USP26: variants seen among roughly 807,000 people sequenced by gnomAD.
USP26 encodes ubiquitin carboxyl-terminal hydrolase 26.
For missense variants in USP26, 649 were observed against 642.3 expected, an observed-to-expected ratio of 1.01 and a Z score of -0.11; for synonymous variants, 236 against 240.6, an observed-to-expected ratio of 0.98 and a Z score of 0.18.
chrX:133,037,150 T>G (rs912349416), intron 5 of USP26, among the ~76,000 whole-genome samples: 1 of 112,406 alleles, frequency 8.9e-6, no homozygotes, highest in Admixed American at 9.4e-5. Context: ...GGATAAATTC[T>G]TTTGCTGAGC....
In USP26 at chrX:133,027,793, G is replaced by T; in HGVS notation, c.428C>A (p.Ser143Tyr). ...HKVDEKSSSK[S>Y]FEIAKGSGTG... The stretch of plus-strand genomic sequence containing the variant: ...CCCACTTCCTTTTGCTATCTCAAAA[G>T]ATTTGCTACTTGATTTCTCATCAAC... The change falls in exon 6 of 6, where the codon TCT (serine) becomes TAT (tyrosine). Residue 143 changes from serine (S) to tyrosine (Y), a missense_variant. Transcript: ENST00000511190. 8.3e-7 allele frequency: 1 copy of T among 1,209,861 alleles called. No homozygotes were observed. The highest frequency in any genetic ancestry group is 1.7e-5 in the African/African-American group (1 of 57,692).
At chrX:133,034,273 A>T (rs2067388735) in intron 5 of USP26, among the ~76,000 whole-genome samples, 1 of 111,561 alleles carries the variant, frequency 9.0e-6, no homozygotes, top group Admixed American at 9.6e-5. Flanking sequence ...GAGAAGTAGG[A>T]CCCCTTTAAG....
rs1367574863 is a variant in USP26, at chrX:133,032,338, A to G, written c.-76-4042T>C. Among the ~76,000 whole-genome samples the G allele has an allele frequency of 9.0e-5, 10 of 111,648 alleles. No homozygotes were observed. In the South Asian group the frequency reaches 1.1e-3, roughly 13 times the overall value. ...AGCAGGGTGTTGAAGGAAGTGAACA[A>G]ATACCTAAATGTAGGGTGCCCCAGG... On this transcript the variant is annotated intron_variant, in intron 5 of 5. Transcript: ENST00000511190.
At chrX:133,084,322 C>A (rs2067580810) in intron 4 of USP26, among the ~76,000 whole-genome samples, 1 of 110,975 alleles carries the variant, frequency 9.0e-6, no homozygotes, top group Non-Finnish European at 1.9e-5. Flanking sequence ...CCTCAGCCTC[C>A]CAAGCTGCTG....
In USP26 at chrX:133,043,598, G is replaced by C. The variant is rs780356442; in HGVS notation, c.-76-15302C>G. Among the ~76,000 whole-genome samples, 400 of 112,503 alleles carry C rather than the reference G, an allele frequency of 3.6e-3. 1 individual carries two copies. The highest frequency in any genetic ancestry group is 6.1e-3 in the Non-Finnish European group (326 of 53,313). ...CTGCCATAGCAGACAGGCGGGGCTGGGGCTTGTCCCATATCAAGTGCTTCC... is the reference window on the plus strand; with the variant it reads ...CTGCCATAGCAGACAGGCGGGGCTGCGGCTTGTCCCATATCAAGTGCTTCC... On this transcript the variant is annotated intron_variant, in intron 5 of 5. Coordinates refer to ENST00000511190, the MANE Select transcript of USP26 (RefSeq NM_031907.3).
intron 1 of USP26, among the ~76,000 whole-genome samples, chrX:133,094,424 T>C (rs781260608): frequency 9.1e-6 from 1 of 109,866 alleles, no homozygotes; most frequent in Non-Finnish European, 1.9e-5. Context: ...TTTTTTTTTT[T>C]CTGGGAAGGA....
intron 5 of USP26, among the ~76,000 whole-genome samples, chrX:133,054,804 A>C (rs1390922878): frequency 8.9e-6 from 1 of 112,296 alleles, no homozygotes; most frequent in Non-Finnish European, 1.9e-5. Flanking sequence ...CCCATATCCT[A>C]TTACCCCATA....
Position 133,091,172 on chromosome X carries a change from C to T in USP26, c.-302+181G>A, listed in dbSNP as rs1014648980. 8.0e-5 allele frequency among the ~76,000 whole-genome samples: 9 copies of T among 111,980 alleles called. No individual in the cohort carries two copies. In the Admixed American group the frequency reaches 8.5e-4, roughly 11 times the overall value. On this transcript the variant is annotated intron_variant, in intron 2 of 5. Coordinates refer to ENST00000511190, the MANE Select transcript of USP26 (RefSeq NM_031907.3). ...AGTAAACATCTGAAGGAGTAATAAC[C>T]TACATATTACTTTAATTGCTGGCGT...
At position 133,090,213 on chromosome X, in the gene USP26, AAC is replaced by A. The variant is rs1173524851; in HGVS notation, c.-244_-243del. On this transcript the variant is annotated 5_prime_UTR_variant, in exon 4 of 6. Coordinates refer to ENST00000511190, the MANE Select transcript of USP26 (RefSeq NM_031907.3). ...TGCATCACTACACTCCAGCTTGGGT[AAC>A]AGAGTGAGACTCTGTCTCAAGAAAA... The A allele has an allele frequency of 1.8e-5, 2 of 111,310 alleles. No homozygotes were observed. Among genetic ancestry groups the A allele is most frequent in the Non-Finnish European group, 3.8e-5 (2 of 53,050 alleles). The allele number at this position is 111,310 out of a possible 1,213,427, so 9.2% of individuals were successfully genotyped here.
chrX:133,090,692 A>G (rs1256647906), intron 3 of USP26, 26 bp downstream of exon 3: 1 of 112,296 alleles, frequency 8.9e-6, no homozygotes, highest in Non-Finnish European at 1.9e-5. Flanking sequence ...ATCTAGGGGG[A>G]ACAGCACAGA....
chrX:133,069,255 G>A (rs2067522813), intron 5 of USP26, among the ~76,000 whole-genome samples: 1 of 112,115 alleles, frequency 8.9e-6, no homozygotes, highest in African/African-American at 3.2e-5. Flanking sequence ...AAGAGAAGGA[G>A]AAGGTGCATT....
intron 5 of USP26, among the ~76,000 whole-genome samples, chrX:133,048,642 G>T (rs1293860139): frequency 9.1e-6 from 1 of 110,292 alleles, no homozygotes; most frequent in African/African-American, 3.3e-5. Flanking sequence ...CGCCTCCCGG[G>T]TTCACTCCAT....
chrX:133,043,960 A>G (rs192106710), intron 5 of USP26, among the ~76,000 whole-genome samples: 376 of 112,005 alleles, frequency 3.4e-3, no homozygotes, highest in Non-Finnish European at 4.3e-3. Context: ...TAAAAAAAAA[A>G]TAGCTCAAAA....
chrX:133,064,888 T>C (rs2067506041), intron 5 of USP26, among the ~76,000 whole-genome samples: 1 of 111,155 alleles, frequency 9.0e-6, no homozygotes, highest in African/African-American at 3.3e-5. Context: ...AGAGCAGAAC[T>C]GAAGGAGATA....
intron 4 of USP26, among the ~76,000 whole-genome samples, chrX:133,087,436 T>C (rs1234914514): frequency 8.9e-6 from 1 of 112,332 alleles, no homozygotes; most frequent in East Asian, 2.8e-4. Flanking sequence ...AGCTGGCTCA[T>C]ATGAGGTGGT....
chrX:133,029,815 C>A (rs1190400884), intron 5 of USP26, among the ~76,000 whole-genome samples: 2 of 111,739 alleles, frequency 1.8e-5, no homozygotes, highest in African/African-American at 3.2e-5. Context: ...ACATTCCTTT[C>A]TCACAGTCCA....
chrX:133,038,172 T>C (rs1041208840), intron 5 of USP26, among the ~76,000 whole-genome samples: 3 of 111,659 alleles, frequency 2.7e-5, no homozygotes, highest in African/African-American at 9.8e-5. Context: ...TCTTGCCTGA[T>C]TGCTCTGGCC....
chrX:133,047,017 A>G (rs961633231), intron 5 of USP26, among the ~76,000 whole-genome samples: 2 of 112,264 alleles, frequency 1.8e-5, no homozygotes, highest in African/African-American at 3.2e-5. Context: ...CCAAGAAAAC[A>G]TGCTACTTAG....
intron 5 of USP26, among the ~76,000 whole-genome samples, chrX:133,039,535 G>A (rs905607258): frequency 8.9e-6 from 1 of 112,024 alleles, no homozygotes; most frequent in African/African-American, 3.2e-5. Context: ...GAGGCTGTTT[G>A]TTTGATTTCC....
Sources: allele counts gnomAD v4.1 joint callset (sites outside exome capture counted in the v4.1 genomes callset), GRCh38; gene constraint gnomAD v4.1.1; transcripts MANE v1.5; gene names NCBI Gene and HGNC (gene_info 2026-07-23, HGNC 2026-07-21).